Variants in ITGA6 observed in about 807,000 individuals in gnomAD.
ITGA6 encodes integrin subunit alpha 6, also known as integrin alpha-6.
In ITGA6, 63 loss-of-function variants were observed where a neutral mutation model predicts 133.6. That is an observed-to-expected ratio of 0.47 (90% confidence interval 0.38 to 0.58). ITGA6 has a LOEUF of 0.58. ITGA6 is among the 20% of genes least tolerant of loss of function. The pLI, the probability that ITGA6 is intolerant of heterozygous loss-of-function variation, is 0.00. For synonymous variants in ITGA6, 434 were observed against 482.0 expected, an observed-to-expected ratio of 0.90 and a Z score of 1.30; for missense variants, 1,068 against 1,309.4, an observed-to-expected ratio of 0.82 and a Z score of 2.85.
chr2:172,488,797 G>A (rs550661632), intron 19 of ITGA6, among the ~76,000 whole-genome samples: 3 of 152,288 alleles, frequency 2.0e-5, no homozygotes, highest in South Asian at 2.1e-4. Context: ...ACCTGACTCC[G>A]GCAGAATGAA....
At chr2:172,486,053 A>T (rs3108778) in intron 13 of ITGA6, among the ~76,000 whole-genome samples, 1 of 151,532 alleles carries the variant, frequency 6.6e-6, no homozygotes, top group African/African-American at 2.4e-5. Context: ...GAGCATGCCT[A>T]TAATCACAGC....
chr2:172,498,587 T>A (rs1223669828), intron 24 of ITGA6, among the ~76,000 whole-genome samples: 1 of 152,230 alleles, frequency 6.6e-6, no homozygotes, highest in Non-Finnish European at 1.5e-5. Flanking sequence ...AGGGGGTCAC[T>A]ATAGCGTGTA....
intron 3 of ITGA6, 35 bp from the exon 4 acceptor site, chr2:172,469,090 A>G: frequency 6.2e-7 from 1 of 1,613,228 alleles, no homozygotes; most frequent in Non-Finnish European, 8.5e-7. Context: ...AGGTTTATAG[A>G]CAAGAATGGG....
At chr2:172,468,698 A>G (rs969197964) in intron 3 of ITGA6, among the ~76,000 whole-genome samples, 3 of 152,194 alleles carry the variant, frequency 2.0e-5, no homozygotes, top group African/African-American at 7.2e-5. Context: ...ATCCCTATGA[A>G]AACAGGTCCA....
At chr2:172,441,739 G>T (rs1684553398) in intron 1 of ITGA6, among the ~76,000 whole-genome samples, 1 of 152,046 alleles carries the variant, frequency 6.6e-6, no homozygotes, top group Non-Finnish European at 1.5e-5. Context: ...TTGGGGAATG[G>T]CCTGGAAAGG....
intron 1 of ITGA6, among the ~76,000 whole-genome samples, chr2:172,450,338 TAGAATGA>T (rs1684936013): frequency 6.6e-6 from 1 of 152,166 alleles, no homozygotes; most frequent in South Asian, 2.1e-4. Context: ...GCAAACCAGT[TAGAATGA>T]TACTATAGTT....
At chr2:172,502,944 T>C (rs79941561) in intron 25 of ITGA6, among the ~76,000 whole-genome samples, 1,680 of 150,320 alleles carry the variant, frequency 0.011, 23 homozygotes, top group South Asian at 0.052. Flanking sequence ...TTGTAATAGA[T>C]AGGTACTTTG....
chr2:172,467,640 G>T lies in ITGA6; in HGVS notation c.387+80G>T, dbSNP rs1291476537. On this transcript the variant is annotated intron_variant, in intron 3 of 25. Transcript: ENST00000684293. ...AGCACCAGGCTTACAGCAGGGGACA[G>T]CAGGGAGCATACATTCTAGCGAACT... The T allele has an allele frequency of 3.8e-5, 41 of 1,090,554 alleles. No homozygotes were observed. The South Asian group carries it at 5.0e-4, about 13-fold the overall frequency. 67.6% of individuals were successfully genotyped at this position (1,090,554 alleles called of 1,614,324 possible). A position where few individuals can be genotyped will look rare whatever the true frequency, so the allele number is the denominator to read the frequency against.
rs1482757618 is a variant in ITGA6, at chr2:172,505,717, G to GT, written c.*1653dup. The GT allele has an allele frequency of 6.6e-6, 1 of 152,480 alleles. No homozygotes were observed. The highest frequency in any genetic ancestry group is 2.4e-5 in the African/African-American group (1 of 41,422). 9.4% of individuals were successfully genotyped at this position (152,480 alleles called of 1,614,324 possible). On this transcript the variant is annotated 3_prime_UTR_variant, in exon 26 of 26. Transcript: ENST00000684293. Reference sequence around the variant, plus strand: ...GAACACAGTTTGTAGTGCCACTGTTGTTTTGGGGGGGCTTTTTTCTTTTCG... The same window carrying GT: ...GAACACAGTTTGTAGTGCCACTGTTGTTTTTGGGGGGGCTTTTTTCTTTTCG...
chr2:172,482,907 G>T (rs1175582673), intron 11 of ITGA6, among the ~76,000 whole-genome samples: 1 of 152,184 alleles, frequency 6.6e-6, no homozygotes, highest in South Asian at 2.1e-4. Flanking sequence ...ACCAGTTACT[G>T]CCACTTCTGT....
intron 1 of ITGA6, among the ~76,000 whole-genome samples, chr2:172,451,809 G>A (rs945629088): frequency 6.6e-6 from 1 of 152,044 alleles, no homozygotes; most frequent in Non-Finnish European, 1.5e-5. Flanking sequence ...CCTTATGTTT[G>A]TGTTTTGCCT....
rs755146280 is a variant in ITGA6, at chr2:172,487,963, C to T, written c.2327C>T (p.Thr776Ile). 32 of 1,612,702 alleles carry T rather than the reference C, an allele frequency of 2.0e-5. No individual in the cohort carries two copies. In the Middle Eastern group the frequency reaches 5.0e-4, roughly 25 times the overall value. The change falls in exon 18 of 26, where the codon ACA (threonine) becomes ATA (isoleucine). Residue 776 changes from threonine to isoleucine, a missense_variant and splice_region_variant. Thr to Ile is a moderately conservative substitution (Grantham distance 89, BLOSUM62 -1). This residue lies in a region of ITGA6 where 609 missense variants were observed against 707.2 expected (regional missense o/e 0.86). Coordinates refer to ENST00000684293, the MANE Select transcript of ITGA6 (RefSeq NM_000210.4). ...DLDINLKLET[T>I]SNQDNLAPIT... Reference sequence around the variant, plus strand: ...TATTGTTTCCTTTTCATTTTCAGAACAAGCAATCAAGATAATTTGGCTCCA... The same window carrying T: ...TATTGTTTCCTTTTCATTTTCAGAATAAGCAATCAAGATAATTTGGCTCCA...
intron 1 of ITGA6, among the ~76,000 whole-genome samples, chr2:172,461,651 A>G (rs1278482417): frequency 6.6e-6 from 1 of 152,206 alleles, no homozygotes; most frequent in Non-Finnish European, 1.5e-5. Flanking sequence ...GGTAGTGCCC[A>G]GAGAGTACCT....
intron 1 of ITGA6, among the ~76,000 whole-genome samples, chr2:172,432,008 A>G (rs567024847): frequency 6.6e-6 from 1 of 152,216 alleles, no homozygotes; most frequent in Non-Finnish European, 1.5e-5. Flanking sequence ...TTAAGCTTTC[A>G]TAACCAAATA....
At chr2:172,451,462 TAA>T (rs57101233) in intron 1 of ITGA6, among the ~76,000 whole-genome samples, 2,419 of 135,396 alleles carry the variant, frequency 0.018, 69 homozygotes, top group African/African-American at 0.061. Flanking sequence ...GAGACTATCT[TAA>T]AAAAAAAAAA....
At chr2:172,487,689 A>G (rs1686749990) in intron 16 of ITGA6, 39 bp from the exon 17 acceptor site, 1 of 1,589,602 alleles carries the variant, frequency 6.3e-7, no homozygotes, top group Non-Finnish European at 8.6e-7. Context: ...CAGTGTCTGT[A>G]TGCATGGCCT....
At chr2:172,501,381 C>T (rs1348482476) in intron 24 of ITGA6, among the ~76,000 whole-genome samples, 5 of 152,158 alleles carry the variant, frequency 3.3e-5, no homozygotes, top group Admixed American at 3.3e-4. Flanking sequence ...TATTTTCTAA[C>T]CTTTGTCTCA....
chr2:172,480,682 C>G (rs1345616588), intron 11 of ITGA6, among the ~76,000 whole-genome samples: 1 of 152,146 alleles, frequency 6.6e-6, no homozygotes, highest in Non-Finnish European at 1.5e-5. Context: ...AGAACAATGC[C>G]TAGTAGTCAT....
chr2:172,487,265 C>A lies in ITGA6; in HGVS notation c.1972C>A (p.Gln658Lys). 1 of 1,611,534 alleles carries A rather than the reference C, an allele frequency of 6.2e-7. No individual in the cohort carries two copies. Among genetic ancestry groups the A allele is most frequent in the South Asian group, 1.1e-5 (1 of 90,978 alleles). The change falls in exon 15 of 26, where the codon CAA becomes AAA. Residue 658 changes from glutamine (Q) to lysine (K), a missense_variant and splice_region_variant. By Grantham distance (53) the Gln-to-Lys change is moderately conservative (BLOSUM62 1). Coordinates refer to ENST00000684293, the MANE Select transcript of ITGA6 (RefSeq NM_000210.4). Reference sequence around the variant, plus strand: ...TTCTTGTTTTCTTATTTTTAATAGTCAAAAAGGTGTACCAGAACTAGTTCT... The same window carrying A: ...TTCTTGTTTTCTTATTTTTAATAGTAAAAAAGGTGTACCAGAACTAGTTCT... ...NQDKFSYLPI[Q>K]KGVPELVLKD... is the part of the protein sequence containing the mutation.
Sources: gnomAD v4.1 joint callset for allele counts (sites outside exome capture counted in the v4.1 genomes callset) on GRCh38, gnomAD v4.1.1 for gene constraint, gnomAD v4.1.1 regional missense constraint, MANE v1.5 for transcripts, NCBI Gene and HGNC (gene_info 2026-07-23, HGNC 2026-07-21) for gene names.